The following WNK1 variants were observed in gnomAD, a reference collection of about 807,000 sequenced individuals.
WNK1 encodes the protein serine/threonine-protein kinase WNK1.
In WNK1, 38 loss-of-function variants were observed where a neutral mutation model predicts 222.8. That is an observed-to-expected ratio of 0.17 (90% CI 0.13 to 0.22). The LOEUF (loss-of-function observed/expected upper bound fraction) is 0.22. WNK1 is among the 10% of genes least tolerant of loss of function. The probability of loss-of-function intolerance (pLI) is 1.00; values close to 1 mark genes in which losing one functional copy is unlikely to be tolerated. For missense variants in WNK1, 2,348 were observed against 2,918.4 expected, an observed-to-expected ratio of 0.80 and a Z score of 4.50; for synonymous variants, 1,090 against 1,092.9, an observed-to-expected ratio of 1.00 and a Z score of 0.05.
At chr12:759,409 C>T (rs1456248982) in intron 1 of WNK1, among the ~76,000 whole-genome samples, 1 of 147,416 alleles carries the variant, frequency 6.8e-6, no homozygotes, top group Admixed American at 6.7e-5. Context: ...CGGCTCACTG[C>T]AACCTCCACC....
intron 9 of WNK1, among the ~76,000 whole-genome samples, chr12:872,912 T>C (rs899217458): frequency 6.6e-5 from 10 of 152,248 alleles, no homozygotes; most frequent in Non-Finnish European, 1.5e-4. Flanking sequence ...ATTAGTTTGT[T>C]TATACATGCA....
chr12:833,129 G>A (rs1477704380), intron 4 of WNK1, among the ~76,000 whole-genome samples: 4 of 151,444 alleles, frequency 2.6e-5, no homozygotes, highest in South Asian at 2.1e-4. Context: ...TTTTTTACTC[G>A]CTGCTTCCAC....
chr12:897,814 T>G, intron 25 of WNK1, 133 bp downstream of exon 25: 1 of 884,836 alleles, frequency 1.1e-6, no homozygotes. Flanking sequence ...TATTTTTGCT[T>G]CCTTGACTGC....
chr12:882,836 A>G (rs972851648), intron 14 of WNK1, 107 bp from the exon 15 acceptor site: 7 of 763,462 alleles, frequency 9.2e-6, no homozygotes, highest in Admixed American at 5.8e-5. Flanking sequence ...CGATAACACT[A>G]TGCTTCCTTA....
intron 24 of WNK1, among the ~76,000 whole-genome samples, chr12:897,022 T>C (rs945852245): frequency 1.3e-5 from 2 of 151,920 alleles, no homozygotes; most frequent in Non-Finnish European, 2.9e-5. Flanking sequence ...CTAGAACTTC[T>C]TCATTGTTAC....
chr12:866,327 G>A (rs1247221079), intron 8 of WNK1, among the ~76,000 whole-genome samples: 2 of 152,156 alleles, frequency 1.3e-5, no homozygotes, highest in African/African-American at 4.8e-5. Flanking sequence ...TTAAAAAGCG[G>A]GGGAGGCTGT....
intron 1 of WNK1, among the ~76,000 whole-genome samples, chr12:764,417 CCT>C (rs1941410782): frequency 6.8e-6 from 1 of 146,248 alleles, no homozygotes; most frequent in Non-Finnish European, 1.5e-5. Context: ...GGGCGGATCA[CCT>C]GAGGTCAGGA....
At chr12:853,529 G>T (rs956993733) in intron 4 of WNK1, among the ~76,000 whole-genome samples, 1 of 152,174 alleles carries the variant, frequency 6.6e-6, no homozygotes, top group African/African-American at 2.4e-5. Flanking sequence ...AGTTGGACAG[G>T]TGTTATCATT....
intron 4 of WNK1, among the ~76,000 whole-genome samples, chr12:845,565 T>C (rs569968421): frequency 1.3e-5 from 2 of 152,348 alleles, no homozygotes; most frequent in African/African-American, 4.8e-5. Flanking sequence ...TTGGATCTGC[T>C]TCCTTTCAAA....
Position 910,737 on chromosome 12 carries a change from T to A in WNK1, c.*1945T>A, listed in dbSNP as rs1053726663. The A allele has an allele frequency of 1.3e-5, 2 of 152,504 alleles. No individual in the cohort carries two copies. Among genetic ancestry groups the A allele is most frequent in the African/African-American group, 4.8e-5 (2 of 41,444 alleles). 9.4% of individuals were successfully genotyped at this position (152,504 alleles called of 1,614,324 possible). ...ACTACCACAGAAAGAGGCTGGAGGC[T>A]CCTGTACCCTGTTCATTCCTTAAGG... On this transcript the variant is annotated 3_prime_UTR_variant, in exon 28 of 28. Transcript: ENST00000315939.
At chr12:896,043 G>C (rs1359199354) in intron 23 of WNK1, 28 bp from the exon 24 acceptor site, 1 of 1,614,056 alleles carries the variant, frequency 6.2e-7, no homozygotes, top group East Asian at 2.2e-5. Context: ...GAGAACTTAA[G>C]TTTTTAATCT....
intron 1 of WNK1, among the ~76,000 whole-genome samples, chr12:802,087 A>G (rs1297800870): frequency 1.3e-5 from 2 of 152,210 alleles, no homozygotes; most frequent in Non-Finnish European, 2.9e-5. Context: ...GAAACTGATA[A>G]TGTACATGTA....
intron 1 of WNK1, among the ~76,000 whole-genome samples, chr12:758,620 A>C (rs1212143957): frequency 6.8e-6 from 1 of 146,624 alleles, no homozygotes; most frequent in African/African-American, 2.4e-5. Context: ...TATAGTTCTT[A>C]AAATATCTAA....
rs896537266 is a variant in WNK1 at position 885,832 on chromosome 12, C to G, written c.5028C>G (p.Val1676=). The change falls in exon 19 of 28, where the codon GTC becomes GTG. Residue 1676 remains valine (V), a synonymous_variant. Coordinates refer to ENST00000315939, the MANE Select transcript of WNK1 (RefSeq NM_018979.4). The part of the protein sequence containing the change: ...HSSSGAQHAS[V]SLETSLVIES... ...CATCTGGAGCTCAGCATGCCTCTGT[C>G]TCACTGGAGACCTCACTAGTCATAG... 6.2e-7 allele frequency: 1 copy of G among 1,614,226 alleles called. No homozygotes were observed. Among genetic ancestry groups the G allele is most frequent in the Non-Finnish European group, 8.5e-7 (1 of 1,180,042 alleles).
intron 26 of WNK1, chr12:904,562 C>G (rs779270046): frequency 9.0e-7 from 1 of 1,110,998 alleles, no homozygotes; most frequent in Non-Finnish European, 1.2e-6. Flanking sequence ...TCTTTCAACT[C>G]TGCAGTCTCA....
chr12:892,148 C>G (rs1954307152), intron 22 of WNK1, among the ~76,000 whole-genome samples: 1 of 149,738 alleles, frequency 6.7e-6, no homozygotes, highest in Non-Finnish European at 1.5e-5. Context: ...CATATGTATA[C>G]ATGTGCCATG....
chr12:847,767 C>CATAGTCAACTAGTTGA (rs1950122289), intron 4 of WNK1, among the ~76,000 whole-genome samples: 1 of 148,312 alleles, frequency 6.7e-6, no homozygotes, highest in Non-Finnish European at 1.5e-5. Context: ...TGAGACACTC[C>CATAGTCAACTAGTTGA]ATAGTCAACT....
chr12:893,053 G>A (rs150676893), intron 22 of WNK1, among the ~76,000 whole-genome samples: 2 of 152,112 alleles, frequency 1.3e-5, no homozygotes, highest in African/African-American at 2.4e-5. Context: ...CCAGGATTTC[G>A]AGACCAGCCT....
rs546281000 is a variant in WNK1, at chr12:779,910, T to C, written c.759+25586T>C. On this transcript the variant is annotated intron_variant, in intron 1 of 27. Coordinates refer to ENST00000315939, the MANE Select transcript of WNK1 (RefSeq NM_018979.4). Reference sequence around the variant, plus strand: ...GCATTTTTTGTTTACTTCACTGGCTTGATTAGTCATAATAAGGCTCAGTAC... The same window carrying C: ...GCATTTTTTGTTTACTTCACTGGCTCGATTAGTCATAATAAGGCTCAGTAC... Among the ~76,000 whole-genome samples, 439 of 152,320 alleles carry C rather than the reference T, an allele frequency of 2.9e-3. 1 individual carries two copies. Among genetic ancestry groups the C allele is most frequent in the Middle Eastern group, 0.014 (4 of 294 alleles).
Sources: gnomAD v4.1 joint callset for allele counts (sites outside exome capture counted in the v4.1 genomes callset) on GRCh38, gnomAD v4.1.1 for gene constraint, MANE v1.5 for transcripts, NCBI Gene and HGNC (gene_info 2026-07-23, HGNC 2026-07-21) for gene names.